EPHA6: variants seen among roughly 807,000 people sequenced by gnomAD.
EPHA6 encodes the protein EPH receptor A6.
In EPHA6, 50 loss-of-function variants were observed where a neutral mutation model predicts 112.0. The ratio of observed to expected loss-of-function variants is 0.45; its 90% confidence interval spans 0.36 to 0.56. The LOEUF (loss-of-function observed/expected upper bound fraction) is 0.56, where lower values mean the gene tolerates loss of function less well. EPHA6 is among the 20% of genes least tolerant of loss of function. The pLI is 0.00. For synonymous variants in EPHA6, 529 were observed against 490.7 expected (o/e 1.08, Z -1.03); for missense variants, 1,280 against 1,417.4 (o/e 0.90, Z 1.56).
chr3:96,979,297 G>A (rs905968526), intron 2 of EPHA6, among the ~76,000 whole-genome samples: 19 of 149,100 alleles, frequency 1.3e-4, no homozygotes, highest in African/African-American at 3.0e-4. Flanking sequence ...GAGAACATGC[G>A]GTGTTTGGTT....
intron 3 of EPHA6, among the ~76,000 whole-genome samples, chr3:97,192,899 C>A (rs992344874): frequency 1.3e-5 from 2 of 152,012 alleles, no homozygotes; most frequent in African/African-American, 2.4e-5. Context: ...AAAGACTGAC[C>A]TTTCCCCAAT....
chr3:97,016,750 C>G (rs2044279576), intron 3 of EPHA6, among the ~76,000 whole-genome samples: 1 of 152,152 alleles, frequency 6.6e-6, no homozygotes. Flanking sequence ...AACTATGGCT[C>G]TATACACTTG....
intron 14 of EPHA6, among the ~76,000 whole-genome samples, chr3:97,674,887 C>A (rs2031213368): frequency 6.6e-6 from 1 of 152,108 alleles, no homozygotes. Context: ...ATCGGGAATT[C>A]TCAGCCAGGA....
intron 3 of EPHA6, among the ~76,000 whole-genome samples, chr3:97,029,713 A>C (rs1468043694): frequency 2.0e-5 from 3 of 152,156 alleles, no homozygotes; most frequent in African/African-American, 7.2e-5. Context: ...AATTGGCTGC[A>C]TTTTGCAGCA....
At chr3:97,104,971 G>A (rs1047158258) in intron 3 of EPHA6, among the ~76,000 whole-genome samples, 1 of 151,820 alleles carries the variant, frequency 6.6e-6, no homozygotes, top group African/African-American at 2.4e-5. Context: ...TTGTATTTCT[G>A]TGGGGTCAGT....
intron 10 of EPHA6, among the ~76,000 whole-genome samples, chr3:97,527,498 G>T (rs1256482917): frequency 6.6e-6 from 1 of 151,936 alleles, no homozygotes; most frequent in Non-Finnish European, 1.5e-5. Context: ...TGTTTTAATT[G>T]CTTCCTCTTT....
At chr3:97,625,211 C>T (rs1043543483) in intron 13 of EPHA6, among the ~76,000 whole-genome samples, 1 of 151,526 alleles carries the variant, frequency 6.6e-6, no homozygotes, top group Non-Finnish European at 1.5e-5. Flanking sequence ...CTGCTTTGGA[C>T]GTGTGTCCTA....
At position 97,340,100 on chromosome 3, in the gene EPHA6, T is replaced by A. The variant is rs181370961; in HGVS notation, c.1607-65050T>A. Among the ~76,000 whole-genome samples, 9 of 152,370 alleles carry A rather than the reference T, an allele frequency of 5.9e-5. No homozygotes were observed. The East Asian group carries it at 9.6e-4, about 16-fold the overall frequency. ...TTTGAGATGGATATTTATAGTCTAT[T>A]AAGGACAGGTACTACAGAAGATAAG... On this transcript the variant is annotated intron_variant, in intron 5 of 17. Coordinates refer to ENST00000389672, the MANE Select transcript of EPHA6 (RefSeq NM_001080448.3).
At chr3:97,432,320 A>T (rs996562627) in intron 6 of EPHA6, among the ~76,000 whole-genome samples, 4 of 152,182 alleles carry the variant, frequency 2.6e-5, no homozygotes, top group Non-Finnish European at 5.9e-5. Context: ...CAACAACACA[A>T]ATATCTATTT....
At chr3:96,896,080 C>T (rs1330164412) in intron 2 of EPHA6, among the ~76,000 whole-genome samples, 4 of 152,040 alleles carry the variant, frequency 2.6e-5, no homozygotes, top group African/African-American at 7.2e-5. Context: ...AGAATGTATC[C>T]CCGTTGTTAA....
At chr3:97,056,487 T>C (rs1397322873) in intron 3 of EPHA6, among the ~76,000 whole-genome samples, 2 of 152,210 alleles carry the variant, frequency 1.3e-5, no homozygotes, top group African/African-American at 4.8e-5. Flanking sequence ...TAGTTTGACC[T>C]TCTCCCTCAG....
rs374819340 is a variant in EPHA6, at chr3:97,727,449, T to C, written c.2934+7039T>C. Among the ~76,000 whole-genome samples, 100 of 152,160 alleles carry C rather than the reference T, an allele frequency of 6.6e-4. 1 individual carries two copies. In the South Asian group the frequency reaches 0.021, roughly 31 times the overall value. ...ATAATTCTATAACCTTTCTCAGTTA[T>C]GGGTCAGTCTTTCAGCCAAGAATAG... On this transcript the variant is annotated intron_variant, in intron 15 of 17. Transcript: ENST00000389672.
chr3:97,488,152 G>A (rs1343719756), intron 10 of EPHA6, among the ~76,000 whole-genome samples: 2 of 152,044 alleles, frequency 1.3e-5, no homozygotes, highest in African/African-American at 4.8e-5. Context: ...GACCTTCCCT[G>A]TTTCCCTTGT....
chr3:97,406,659 C>T (rs1577271194), intron 6 of EPHA6, among the ~76,000 whole-genome samples: 2 of 152,238 alleles, frequency 1.3e-5, no homozygotes, highest in African/African-American at 4.8e-5. Context: ...AACTTAGTAG[C>T]ATAGCTGTAT....
intron 12 of EPHA6, among the ~76,000 whole-genome samples, chr3:97,607,184 C>CAAAAAAAAAAAAAAAAAA (rs11437335): frequency 1.2e-5 from 1 of 86,094 alleles, no homozygotes; most frequent in Non-Finnish European, 2.7e-5. Context: ...TTGTCTGAGG[C>CAAAAAAAAAAAAAAAAAA]AAAAAAAAAA....
intron 3 of EPHA6, among the ~76,000 whole-genome samples, chr3:97,045,723 C>T (rs2045481805): frequency 6.6e-6 from 1 of 151,926 alleles, no homozygotes; most frequent in Admixed American, 6.6e-5. Flanking sequence ...AGACAACATA[C>T]TTTGTACGTT....
At chr3:97,534,103 C>A (rs2092728517) in intron 11 of EPHA6, among the ~76,000 whole-genome samples, 1 of 152,232 alleles carries the variant, frequency 6.6e-6, no homozygotes, top group Admixed American at 6.5e-5. Context: ...AAGAATTATG[C>A]AGCTATGGGT....
chr3:97,447,996 C>T (rs557946215), intron 6 of EPHA6, among the ~76,000 whole-genome samples: 1 of 152,188 alleles, frequency 6.6e-6, no homozygotes, highest in South Asian at 2.1e-4. Flanking sequence ...TATTTTATTT[C>T]CTAAATTTTA....
chr3:97,685,678 A>G (rs1484996026), intron 14 of EPHA6, among the ~76,000 whole-genome samples: 1 of 152,176 alleles, frequency 6.6e-6, no homozygotes, highest in East Asian at 1.9e-4. Context: ...GTCGACCAAC[A>G]CAAGTCACAT....
Sources: gnomAD v4.1 joint callset for allele counts (sites outside exome capture counted in the v4.1 genomes callset) on GRCh38, gnomAD v4.1.1 for gene constraint, MANE v1.5 for transcripts, NCBI Gene and HGNC (gene_info 2026-07-23, HGNC 2026-07-21) for gene names.